The following ZNF599 variants were observed in gnomAD, a reference collection of about 807,000 sequenced individuals.
ZNF599 encodes zinc finger protein 599.
In ZNF599, 10 loss-of-function variants were observed where a neutral mutation model predicts 11.7. That is an observed-to-expected ratio of 0.86 (90% CI 0.53 to 1.45). ZNF599 has a LOEUF of 1.45. ZNF599 is among the 40% of genes most tolerant of loss of function. ZNF599 has a pLI of 0.00. For synonymous variants in ZNF599, 232 were observed against 253.2 expected, an observed-to-expected ratio of 0.92 and a Z score of 0.79; for missense variants, 688 against 713.6, an observed-to-expected ratio of 0.96 and a Z score of 0.41.
chr19:34,806,298 C>T, the ZNF599 span, among the ~76,000 whole-genome samples: 1 of 152,190 alleles, frequency 6.6e-6, no homozygotes, highest in Non-Finnish European at 1.5e-5. Flanking sequence ...TGCCTTTTAC[C>T]TGCTTTGTAA....
the ZNF599 span, among the ~76,000 whole-genome samples, chr19:34,787,762 C>T: frequency 2.0e-5 from 3 of 152,324 alleles, no homozygotes; most frequent in East Asian, 5.8e-4. Context: ...ATTACTTGAA[C>T]CTGCAGTCCT....
At chr19:34,761,031 G>C (rs1178125996) in intron 3 of ZNF599, among the ~76,000 whole-genome samples, 1 of 152,132 alleles carries the variant, frequency 6.6e-6, no homozygotes, top group Non-Finnish European at 1.5e-5. Flanking sequence ...CCCAGACAGA[G>C]GAATTAGGAG....
At chr19:34,764,345 G>A (rs1278683429) in intron 3 of ZNF599, 3 of 152,160 alleles carry the variant, frequency 2.0e-5, no homozygotes, top group Admixed American at 2.0e-4. Flanking sequence ...ATGTGAAATG[G>A]TGTAGTTACT....
At chr19:34,794,809 G>A in the ZNF599 span, among the ~76,000 whole-genome samples, 13 of 152,176 alleles carry the variant, frequency 8.5e-5, no homozygotes, top group African/African-American at 3.1e-4. Flanking sequence ...GACCTTAAGT[G>A]AGCCACTGGC....
the ZNF599 span, among the ~76,000 whole-genome samples, chr19:34,784,321 A>G: frequency 6.6e-6 from 1 of 152,080 alleles, no homozygotes; most frequent in Admixed American, 6.6e-5. Flanking sequence ...TTATAAGTAT[A>G]CCAGTCATAT....
chr19:34,777,490 AT>A (rs2069226529), upstream of ZNF599, among the ~76,000 whole-genome samples: 1 of 108,266 alleles, frequency 9.2e-6, no homozygotes, highest in South Asian at 2.4e-4. Flanking sequence ...TATATAATAT[AT>A]GATATATATT....
At chr19:34,784,110 G>A in the ZNF599 span, among the ~76,000 whole-genome samples, 4 of 152,206 alleles carry the variant, frequency 2.6e-5, no homozygotes, top group East Asian at 1.9e-4. Context: ...AAATGAAGAC[G>A]TTGGTAGGGC....
chr19:34,759,993 G>A lies in ZNF599; in HGVS notation c.808C>T (p.Leu270Phe), dbSNP rs773255623. 6.2e-7 allele frequency: 1 copy of A among 1,614,160 alleles called. No individual in the cohort carries two copies. The highest frequency in any genetic ancestry group is 2.2e-5 in the East Asian group (1 of 44,880). Reference sequence around the variant, plus strand: ...GTGTGAATACGCTGGTGCTCCGTGAGGTGAAACCTGCGTTTGAAGGCTTTC... The same window carrying A: ...GTGTGAATACGCTGGTGCTCCGTGAAGTGAAACCTGCGTTTGAAGGCTTTC... ...CGKAFKRRFH[L>F]TEHQRIHTGD... Residue 270 changes from leucine to phenylalanine, a missense_variant, in exon 4 of 4, where the codon CTC (leucine) becomes TTC (phenylalanine). Transcript: ENST00000329285.
At chr19:34,772,803 G>A (rs1288828147) in intron 1 of ZNF599, 21 bp downstream of exon 1, 1 of 1,533,786 alleles carries the variant, frequency 6.5e-7, no homozygotes, top group Non-Finnish European at 8.7e-7. Flanking sequence ...GCTCGCGCGG[G>A]CTGCGGAACC....
At chr19:34,768,826 G>T (rs919184352) in intron 2 of ZNF599, among the ~76,000 whole-genome samples, 1 of 152,026 alleles carries the variant, frequency 6.6e-6, no homozygotes, top group Non-Finnish European at 1.5e-5. Flanking sequence ...ACAGGAAAGA[G>T]AAAAGAAAAA....
the ZNF599 span, among the ~76,000 whole-genome samples, chr19:34,781,269 G>C: frequency 6.8e-6 from 1 of 147,152 alleles, no homozygotes; most frequent in Non-Finnish European, 1.5e-5. Flanking sequence ...CAAAGAAAGA[G>C]AGAAGAAAGA....
chr19:34,807,082 C>G, the ZNF599 span, among the ~76,000 whole-genome samples: 28 of 152,326 alleles, frequency 1.8e-4, no homozygotes, highest in African/African-American at 6.3e-4. Flanking sequence ...AGCCCCCAGG[C>G]CAGCCCAGTT....
the ZNF599 span, among the ~76,000 whole-genome samples, chr19:34,784,196 G>A: frequency 7.2e-5 from 11 of 152,142 alleles, no homozygotes; most frequent in Admixed American, 5.2e-4. Flanking sequence ...GGCAATCCCT[G>A]GCATTCCTTG....
the ZNF599 span, among the ~76,000 whole-genome samples, chr19:34,796,707 G>A: frequency 6.6e-6 from 1 of 152,064 alleles, no homozygotes; most frequent in African/African-American, 2.4e-5. Flanking sequence ...CATATTCTTG[G>A]AGAGCTTTTT....
the ZNF599 span, among the ~76,000 whole-genome samples, chr19:34,795,787 A>G: frequency 6.6e-6 from 1 of 152,108 alleles, no homozygotes; most frequent in Non-Finnish European, 1.5e-5. Flanking sequence ...CCTGTGTTTC[A>G]AGGGTTTGAG....
intron 3 of ZNF599, among the ~76,000 whole-genome samples, chr19:34,762,631 T>C (rs1453047376): frequency 3.3e-5 from 5 of 152,188 alleles, no homozygotes; most frequent in Non-Finnish European, 5.9e-5. Flanking sequence ...GTTATATTCA[T>C]GCAATTGACT....
At position 34,760,151 on chromosome 19, in the gene ZNF599, T is replaced by G; in HGVS notation, c.650A>C (p.His217Pro). 1 of 1,614,216 alleles carries G rather than the reference T, an allele frequency of 6.2e-7. No individual in the cohort carries two copies. Among genetic ancestry groups the G allele is most frequent in the South Asian group, 1.1e-5 (1 of 91,090 alleles). Residue 217 changes from histidine (H) to proline (P), a missense_variant, in exon 4 of 4, where the codon CAT becomes CCT. Transcript: ENST00000329285. ...GFSKKWALVR[H>P]QQIHAGVKPY... is the part of the protein sequence containing the mutation. Reference sequence around the variant, plus strand: ...CTTCACTCCAGCATGAATCTGTTGATGCCGAACAAGGGCCCACTTCTTGCT... The same window carrying G: ...CTTCACTCCAGCATGAATCTGTTGAGGCCGAACAAGGGCCCACTTCTTGCT...
chr19:34,766,048 T>C (rs892889329), intron 3 of ZNF599, among the ~76,000 whole-genome samples: 2 of 152,150 alleles, frequency 1.3e-5, no homozygotes, highest in Non-Finnish European at 2.9e-5. Flanking sequence ...CTCCACTCAT[T>C]GAAAGAGGCA....
Position 34,770,693 on chromosome 19 carries a change from G to A in ZNF599, c.19-1138C>T, listed in dbSNP as rs539818701. 5.9e-5 allele frequency among the ~76,000 whole-genome samples: 9 copies of A among 152,286 alleles called. No individual in the cohort carries two copies. In the South Asian group the frequency reaches 8.3e-4, roughly 14 times the overall value. Reference sequence around the variant, plus strand: ...TGCAGGCTGTGGCTCTAAGAACCTGGCAGCTGCCTTAAGCACCACGTCTGT... The same window carrying A: ...TGCAGGCTGTGGCTCTAAGAACCTGACAGCTGCCTTAAGCACCACGTCTGT... On this transcript the variant is annotated intron_variant, in intron 1 of 3. Coordinates refer to ENST00000329285, the MANE Select transcript of ZNF599 (RefSeq NM_001007248.3).
Sources: allele counts gnomAD v4.1 joint callset (sites outside exome capture counted in the v4.1 genomes callset), GRCh38; gene constraint gnomAD v4.1.1; transcripts MANE v1.5; gene names NCBI Gene and HGNC (gene_info 2026-07-23, HGNC 2026-07-21).